GPC6: variants seen among roughly 807,000 people sequenced by gnomAD.
The protein encoded by GPC6 is glypican-6.
Under a neutral mutation model 55.2 loss-of-function variants are expected in GPC6, and 14 were observed. The ratio of observed to expected loss-of-function variants is 0.25; its 90% confidence interval spans 0.17 to 0.40. The LOEUF (loss-of-function observed/expected upper bound fraction) is 0.40. Among genes scored for constraint, GPC6 ranks in the 10% least tolerant of loss-of-function variants. GPC6 has a pLI of 1.00. For missense variants in GPC6, 641 were observed against 708.5 expected (o/e 0.90, Z 1.08); for synonymous variants, 278 against 259.6 (o/e 1.07, Z -0.68).
intron 1 of GPC6, among the ~76,000 whole-genome samples, chr13:93,501,236 A>T (rs972076794): frequency 2.0e-5 from 3 of 152,104 alleles, no homozygotes; most frequent in African/African-American, 7.2e-5. Context: ...TAAAATGCTT[A>T]AATCTCACAC....
At chr13:93,767,982 A>C (rs1252116342) in intron 2 of GPC6, among the ~76,000 whole-genome samples, 1 of 152,176 alleles carries the variant, frequency 6.6e-6, no homozygotes. Context: ...TATGGAAATA[A>C]GCACTAAAAA....
At chr13:93,319,089 T>C (rs1566296761) in intron 1 of GPC6, among the ~76,000 whole-genome samples, 1 of 151,920 alleles carries the variant, frequency 6.6e-6, no homozygotes, top group Non-Finnish European at 1.5e-5. Flanking sequence ...CCTATAACTG[T>C]CCCCTCATGC....
chr13:94,190,121 C>T (rs1015170656), intron 4 of GPC6, among the ~76,000 whole-genome samples: 2 of 150,602 alleles, frequency 1.3e-5, no homozygotes, highest in Middle Eastern at 3.7e-3. Flanking sequence ...CCCAGGAGTT[C>T]GAGACCAGCC....
At chr13:93,886,788 C>G (rs1594557763) in intron 3 of GPC6, among the ~76,000 whole-genome samples, 1 of 150,292 alleles carries the variant, frequency 6.7e-6, no homozygotes, top group East Asian at 2.0e-4. Flanking sequence ...TTTTTAATCC[C>G]AAAACGATAT....
intron 1 of GPC6, among the ~76,000 whole-genome samples, chr13:93,467,215 G>A (rs1878936909): frequency 1.3e-5 from 2 of 152,066 alleles, no homozygotes; most frequent in South Asian, 4.1e-4. Flanking sequence ...TATAAAAGTG[G>A]TACACCAACC....
chr13:93,993,838 G>T (rs1257291971), intron 3 of GPC6, among the ~76,000 whole-genome samples: 1 of 151,980 alleles, frequency 6.6e-6, no homozygotes, highest in Non-Finnish European at 1.5e-5. Flanking sequence ...ATTTCTTTTG[G>T]CTAAGTTGGC....
At chr13:93,599,402 A>C (rs1877915474) in intron 2 of GPC6, among the ~76,000 whole-genome samples, 1 of 152,144 alleles carries the variant, frequency 6.6e-6, no homozygotes, top group Non-Finnish European at 1.5e-5. Context: ...TTTTCTTATA[A>C]ATAAAGCTGA....
At chr13:93,386,907 A>G (rs893869249) in intron 1 of GPC6, among the ~76,000 whole-genome samples, 1 of 151,814 alleles carries the variant, frequency 6.6e-6, no homozygotes. Context: ...TCTTCACACA[A>G]CCTCCTTCCG....
chr13:93,728,377 G>A (rs185852278), intron 2 of GPC6, among the ~76,000 whole-genome samples: 9 of 150,382 alleles, frequency 6.0e-5, no homozygotes, highest in Admixed American at 4.0e-4. Flanking sequence ...ACCACGCCTG[G>A]CTAAATGCTT....
intron 6 of GPC6, among the ~76,000 whole-genome samples, chr13:94,351,979 A>AAAAAAAAAAAAG (rs1878570131): frequency 7.0e-6 from 1 of 142,862 alleles, no homozygotes; most frequent in African/African-American, 2.7e-5. Context: ...AAAAAAAAAA[A>AAAAAAAAAAAAG]AAAGAAAAAG....
chr13:93,848,066 A>C (rs1888261067), intron 3 of GPC6, among the ~76,000 whole-genome samples: 1 of 152,154 alleles, frequency 6.6e-6, no homozygotes, highest in South Asian at 2.1e-4. Flanking sequence ...GGGGCCAGTC[A>C]ATTTAATGTC....
intron 4 of GPC6, among the ~76,000 whole-genome samples, chr13:94,260,955 C>T (rs1336675857): frequency 2.0e-5 from 3 of 151,846 alleles, no homozygotes; most frequent in East Asian, 1.9e-4. Context: ...GAAAGCAACA[C>T]CTTAGTGTTA....
chr13:93,295,160 G>T (rs959524311), intron 1 of GPC6, among the ~76,000 whole-genome samples: 1 of 149,022 alleles, frequency 6.7e-6, no homozygotes, highest in Admixed American at 6.7e-5. Context: ...GCATTGTGGC[G>T]GTGTGCCTGT....
intron 1 of GPC6, among the ~76,000 whole-genome samples, chr13:93,334,797 A>G (rs79073360): frequency 0.033 from 5,087 of 152,234 alleles, 291 homozygotes; most frequent in African/African-American, 0.11. Context: ...AAACTTACCT[A>G]TGAAGTCATT....
chr13:94,338,892 G>A (rs1006679325), intron 6 of GPC6, among the ~76,000 whole-genome samples: 1 of 152,058 alleles, frequency 6.6e-6, no homozygotes, highest in African/African-American at 2.4e-5. Context: ...ATATCGAGCT[G>A]GTCAGCTTTC....
chr13:93,862,332 T>C (rs976751678), intron 3 of GPC6, among the ~76,000 whole-genome samples: 1 of 151,498 alleles, frequency 6.6e-6, no homozygotes, highest in Non-Finnish European at 1.5e-5. Flanking sequence ...TAAGCCAGCC[T>C]AAGAATGGAC....
intron 1 of GPC6, among the ~76,000 whole-genome samples, chr13:93,434,700 C>A (rs1239717446): frequency 1.3e-5 from 2 of 152,066 alleles, no homozygotes; most frequent in Non-Finnish European, 2.9e-5. Context: ...ATCCCCAAGT[C>A]TGATTTTTAG....
intron 4 of GPC6, among the ~76,000 whole-genome samples, chr13:94,160,805 T>C (rs924640738): frequency 2.6e-5 from 4 of 152,190 alleles, no homozygotes; most frequent in African/African-American, 9.7e-5. Context: ...CAAAACAAAT[T>C]TGTCAATTAT....
At chr13:93,565,353 T>C (rs536368173) in intron 2 of GPC6, among the ~76,000 whole-genome samples, 58 of 152,328 alleles carry the variant, frequency 3.8e-4, no homozygotes, top group African/African-American at 1.4e-3. Context: ...AAGAAATGTG[T>C]GGGGTCTGGT....
Sources: allele counts gnomAD v4.1 joint callset (sites outside exome capture counted in the v4.1 genomes callset), GRCh38; gene constraint gnomAD v4.1.1; transcripts MANE v1.5; gene names NCBI Gene and HGNC (gene_info 2026-07-23, HGNC 2026-07-21).